NTNG1: variants seen among roughly 807,000 people sequenced by gnomAD.
The protein encoded by NTNG1 is netrin-G1.
Under a neutral mutation model 54.0 loss-of-function variants are expected in NTNG1, and 16 were observed. The ratio of observed to expected loss-of-function variants is 0.30; its 90% CI spans 0.20 to 0.45. NTNG1 has a LOEUF of 0.45. NTNG1 is among the 20% of genes least tolerant of loss of function. NTNG1 has a pLI of 1.00. For synonymous variants in NTNG1, 255 were observed against 263.1 expected, an observed-to-expected ratio of 0.97 and a Z score of 0.30; for missense variants, 530 against 678.7, an observed-to-expected ratio of 0.78 and a Z score of 2.43.
chr1:107,248,587 C>T (rs78020917), intron 2 of NTNG1, among the ~76,000 whole-genome samples: 4,666 of 152,178 alleles, frequency 0.031, 216 homozygotes, highest in African/African-American at 0.11. Context: ...CTTTTGGCCA[C>T]CAAGTAGAGT....
intron 5 of NTNG1, among the ~76,000 whole-genome samples, chr1:107,418,848 A>G (rs1674387474): frequency 6.6e-6 from 1 of 152,034 alleles, no homozygotes. Context: ...ATGGCATGGA[A>G]GTTAAAAAGC....
chr1:107,249,573 A>T (rs566728091), intron 2 of NTNG1, among the ~76,000 whole-genome samples: 33 of 152,202 alleles, frequency 2.2e-4, no homozygotes, highest in Admixed American at 1.4e-3. Context: ...GTTTCCTAGA[A>T]GTTCCCCAAA....
chr1:107,361,996 G>A (rs989016473), intron 3 of NTNG1, among the ~76,000 whole-genome samples: 3 of 152,106 alleles, frequency 2.0e-5, no homozygotes, highest in African/African-American at 7.2e-5. Context: ...AACAACAGGG[G>A]AAGGGAGAGC....
chr1:107,361,395 T>TTTA (rs1557933089), intron 3 of NTNG1, among the ~76,000 whole-genome samples: 2 of 76,282 alleles, frequency 2.6e-5, no homozygotes, highest in Non-Finnish European at 5.7e-5. Flanking sequence ...ATATATATTT[T>TTTA]TTTTTTTTTT....
intron 3 of NTNG1, among the ~76,000 whole-genome samples, chr1:107,349,736 C>T (rs1166715091): frequency 2.6e-5 from 4 of 152,096 alleles, no homozygotes; most frequent in Non-Finnish European, 5.9e-5. Context: ...TCTTCTGAGA[C>T]TTGCTTTTCT....
At chr1:107,267,053 C>CA (rs1663791344) in intron 2 of NTNG1, among the ~76,000 whole-genome samples, 1 of 152,210 alleles carries the variant, frequency 6.6e-6, no homozygotes, top group African/African-American at 2.4e-5. Context: ...CTACAATGTA[C>CA]AAAAAATGTC....
intron 7 of NTNG1, among the ~76,000 whole-genome samples, chr1:107,464,928 G>T (rs553140031): frequency 6.6e-6 from 1 of 152,072 alleles, no homozygotes. Flanking sequence ...TGGGCCCCAC[G>T]TCTCTCCATA....
At chr1:107,332,691 T>C (rs553324843) in intron 3 of NTNG1, among the ~76,000 whole-genome samples, 1 of 152,196 alleles carries the variant, frequency 6.6e-6, no homozygotes, top group Non-Finnish European at 1.5e-5. Flanking sequence ...CCATTCATTC[T>C]CCAAATAAAT....
rs933048382 is a variant in NTNG1 at position 107,361,548 on chromosome 1, C to G, written c.888-33606C>G. 4.6e-5 allele frequency among the ~76,000 whole-genome samples: 7 copies of G among 151,444 alleles called. No homozygotes were observed. The South Asian group carries it at 6.2e-4, about 14-fold the overall frequency. On this transcript the variant is annotated intron_variant, in intron 3 of 7. Coordinates refer to ENST00000370068, the MANE Select transcript of NTNG1 (RefSeq NM_001113226.3). ...GGATTGCAGGCATGCACCACTATGC[C>G]CAGCTAATTTTGTATTTTTAGTAGA...
chr1:107,337,054 G>A (rs1668624173), intron 3 of NTNG1, among the ~76,000 whole-genome samples: 1 of 151,934 alleles, frequency 6.6e-6, no homozygotes, highest in South Asian at 2.1e-4. Flanking sequence ...ACAGTGTGGC[G>A]ATTACTCAAA....
chr1:107,357,477 C>A (rs1670004550), intron 3 of NTNG1, among the ~76,000 whole-genome samples: 1 of 152,184 alleles, frequency 6.6e-6, no homozygotes, highest in Non-Finnish European at 1.5e-5. Flanking sequence ...GAGAGCTCAG[C>A]TTTTAATTTT....
chr1:107,368,641 A>G (rs1670736201), intron 3 of NTNG1, among the ~76,000 whole-genome samples: 1 of 152,098 alleles, frequency 6.6e-6, no homozygotes, highest in Admixed American at 6.5e-5. Context: ...TAAGTGCATT[A>G]TTTCACTTAC....
At chr1:107,165,473 A>C (rs920393699) in intron 2 of NTNG1, among the ~76,000 whole-genome samples, 1 of 152,196 alleles carries the variant, frequency 6.6e-6, no homozygotes, top group Admixed American at 6.5e-5. Context: ...TAGCAATGCA[A>C]CTGCCCTCTT....
chr1:107,282,004 A>G (rs923331886), intron 2 of NTNG1, among the ~76,000 whole-genome samples: 4 of 152,182 alleles, frequency 2.6e-5, no homozygotes, highest in Non-Finnish European at 5.9e-5. Context: ...CTGGCAGAGA[A>G]GGCATTGAAT....
At chr1:107,215,888 A>G (rs1659921123) in intron 2 of NTNG1, among the ~76,000 whole-genome samples, 1 of 151,534 alleles carries the variant, frequency 6.6e-6, no homozygotes, top group South Asian at 2.1e-4. Flanking sequence ...CTAATAATTT[A>G]ATTTTATTGT....
rs981670089 is a variant in NTNG1, at chr1:107,207,899, C to T, written c.246+59060C>T. 2.0e-5 allele frequency among the ~76,000 whole-genome samples: 3 copies of T among 152,154 alleles called. No homozygotes were observed. The East Asian group carries it at 5.8e-4, about 29-fold the overall frequency. On this transcript the variant is annotated intron_variant, in intron 2 of 7. Transcript: ENST00000370068. Reference sequence around the variant, plus strand: ...TGCCATGGACTTAAACATGTCCTAGCAGCCACAGCATGGCAGCTGAACTTT... The same window carrying T: ...TGCCATGGACTTAAACATGTCCTAGTAGCCACAGCATGGCAGCTGAACTTT...
chr1:107,208,977 G>A (rs1265003760), intron 2 of NTNG1, among the ~76,000 whole-genome samples: 1 of 151,914 alleles, frequency 6.6e-6, no homozygotes, highest in Non-Finnish European at 1.5e-5. Flanking sequence ...AACATCCTTA[G>A]TTATCCATTA....
At chr1:107,228,527 A>T (rs936179392) in intron 2 of NTNG1, among the ~76,000 whole-genome samples, 2 of 152,298 alleles carry the variant, frequency 1.3e-5, no homozygotes, top group South Asian at 4.1e-4. Flanking sequence ...AAGTCAGCAC[A>T]TTTCCAAGTA....
chr1:107,299,243 A>G (rs1666174969), intron 2 of NTNG1, among the ~76,000 whole-genome samples: 1 of 152,112 alleles, frequency 6.6e-6, no homozygotes, highest in African/African-American at 2.4e-5. Flanking sequence ...AACTAAATAT[A>G]TATGTTTCTT....
Sources: gnomAD v4.1 joint callset for allele counts (sites outside exome capture counted in the v4.1 genomes callset) on GRCh38, gnomAD v4.1.1 for gene constraint, MANE v1.5 for transcripts, NCBI Gene and HGNC (gene_info 2026-07-23, HGNC 2026-07-21) for gene names.